The following CGAS variants were observed in gnomAD, a reference collection of about 807,000 sequenced individuals.
The protein encoded by CGAS is cyclic GMP-AMP synthase, also known as 2'3'-cGAMP synthase.
A neutral mutation model predicts 34.0 loss-of-function variants in CGAS; 31 were observed. The observed-to-expected ratio is 0.91, with a 90% CI of 0.69 to 1.23. The LOEUF (loss-of-function observed/expected upper bound fraction) is 1.23. Ranked by LOEUF, CGAS falls within the 50% of genes most tolerant of loss-of-function variation. The probability of loss-of-function intolerance (pLI) is 0.00; values close to 1 mark genes in which losing one functional copy is unlikely to be tolerated. For synonymous variants in CGAS, 266 were observed against 260.0 expected, an observed-to-expected ratio of 1.02 and a Z score of -0.22; for missense variants, 597 against 657.6, an observed-to-expected ratio of 0.91 and a Z score of 1.01.
chr6:73,449,589 C>T (rs780041981), intron 1 of CGAS, among the ~76,000 whole-genome samples: 14 of 152,010 alleles, frequency 9.2e-5, no homozygotes, highest in Admixed American at 3.3e-4. Context: ...CCTTTGGACC[C>T]GCCATATACA....
At chr6:73,428,026 G>C (rs1482396290) in intron 4 of CGAS, among the ~76,000 whole-genome samples, 1 of 152,040 alleles carries the variant, frequency 6.6e-6, no homozygotes, top group African/African-American at 2.4e-5. Context: ...TTGCTAGGCT[G>C]GGATTACAGG....
intron 1 of CGAS, among the ~76,000 whole-genome samples, chr6:73,448,958 G>A (rs372437050): frequency 4.6e-5 from 7 of 151,750 alleles, no homozygotes; most frequent in Admixed American, 6.6e-5. Context: ...GTGAGGTGAC[G>A]CCCGCCTGTA....
chr6:73,433,779 G>C (rs915322620), intron 3 of CGAS, among the ~76,000 whole-genome samples: 1 of 152,034 alleles, frequency 6.6e-6, no homozygotes, highest in Non-Finnish European at 1.5e-5. Context: ...GAGCCACCAC[G>C]CCTGGCTAGA....
At chr6:73,439,999 T>A in intron 3 of CGAS, 1 of 504,680 alleles carries the variant, frequency 2.0e-6, no homozygotes, top group East Asian at 3.3e-5. Flanking sequence ...TATGGATTGC[T>A]AGACATTTTA....
intron 1 of CGAS, among the ~76,000 whole-genome samples, chr6:73,450,061 G>A (rs1043790909): frequency 3.3e-5 from 5 of 151,204 alleles, no homozygotes; most frequent in African/African-American, 9.7e-5. Context: ...GAGAGAGGAA[G>A]AGAGGGAGGG....
At chr6:73,441,087 T>TC (rs1172957145) in intron 2 of CGAS, among the ~76,000 whole-genome samples, 17 of 150,758 alleles carry the variant, frequency 1.1e-4, no homozygotes, top group East Asian at 3.9e-4. Context: ...TTTTTCTTTT[T>TC]TTTTTTTTTT....
Position 73,451,976 on chromosome 6 carries a change from T to A in CGAS, c.206A>T (p.Gln69Leu), listed in dbSNP as rs1390782804. 2.0e-6 allele frequency: 3 copies of A among 1,483,188 alleles called. No homozygotes were observed. Among genetic ancestry groups the A allele is most frequent in the Non-Finnish European group, 2.7e-6 (3 of 1,115,190 alleles). The allele number at this position is 1,483,188 out of a possible 1,614,324, so 91.9% of individuals were successfully genotyped here. A position where few individuals can be genotyped will look rare whatever the true frequency, so the allele number is the denominator to read the frequency against. The change falls in exon 1 of 5, where the codon CAG becomes CTG. Residue 69 changes from glutamine to leucine, a missense_variant. Gln to Leu is a moderately radical substitution (Grantham distance 113). Coordinates refer to ENST00000370315, the MANE Select transcript of CGAS (RefSeq NM_138441.3). ...SRQKKSAPDT[Q>L]ERPPVRATGA... ...AGTTGCGCGGACGGGCGGCCTCTCC[T>A]GGGTGTCCGGGGCGCTCTTTTTCTG...
At chr6:73,434,088 T>C (rs149199602) in intron 3 of CGAS, among the ~76,000 whole-genome samples, 4 of 152,322 alleles carry the variant, frequency 2.6e-5, no homozygotes, top group Non-Finnish European at 4.4e-5. Context: ...TAAAGCTACA[T>C]TATGTACAAC....
At chr6:73,430,835 C>T (rs1165435783) in intron 3 of CGAS, among the ~76,000 whole-genome samples, 1 of 152,024 alleles carries the variant, frequency 6.6e-6, no homozygotes, top group Non-Finnish European at 1.5e-5. Flanking sequence ...GGTGCAGTGG[C>T]TCATGCCTGT....
chr6:73,440,422 T>C lies in CGAS; in HGVS notation c.901A>G (p.Lys301Glu). 6.2e-7 allele frequency: 1 copy of C among 1,613,720 alleles called. No homozygotes were observed. Among genetic ancestry groups the C allele is most frequent in the Non-Finnish European group, 8.5e-7 (1 of 1,179,838 alleles). Residue 301 changes from lysine to glutamate, a missense_variant, in exon 3 of 5, where the codon AAA becomes GAA. Coordinates refer to ENST00000370315, the MANE Select transcript of CGAS (RefSeq NM_138441.3). ...GTTACAGCAGGGCTCCCTCCTCTTT[T>C]CCTCTTCATGATGACATCTGTATCT... ...IKDTDVIMKR[K>E]RGGSPAVTLL...
intron 3 of CGAS, among the ~76,000 whole-genome samples, chr6:73,432,822 G>A (rs780174931): frequency 6.6e-6 from 1 of 152,074 alleles, no homozygotes; most frequent in African/African-American, 2.4e-5. Context: ...GGTGGCTCAC[G>A]CCTGTCATCC....
At chr6:73,438,556 C>T (rs1346108367) in intron 3 of CGAS, among the ~76,000 whole-genome samples, 1 of 151,902 alleles carries the variant, frequency 6.6e-6, no homozygotes, top group South Asian at 2.1e-4. Context: ...ATTAGCCTCG[C>T]GTGGTGGCAT....
At chr6:73,426,206 C>G (rs1007354688) in intron 4 of CGAS, among the ~76,000 whole-genome samples, 3 of 151,396 alleles carry the variant, frequency 2.0e-5, no homozygotes, top group African/African-American at 7.3e-5. Flanking sequence ...TCACTTGAAC[C>G]CAGGAGGCAG....
chr6:73,428,932 A>G, intron 3 of CGAS, 121 bp from the exon 4 acceptor site: 1 of 849,762 alleles, frequency 1.2e-6, no homozygotes, highest in Non-Finnish European at 1.8e-6. Flanking sequence ...CACGCCTGTA[A>G]TCTCAGTACT....
At chr6:73,439,844 G>A (rs1770345526) in intron 3 of CGAS, 1 of 218,220 alleles carries the variant, frequency 4.6e-6, no homozygotes, top group Admixed American at 5.3e-5. Context: ...ACAGTGTACG[G>A]ATGAGCAAAT....
chr6:73,440,117 C>T, intron 3 of CGAS, 92 bp downstream of exon 3: 8 of 1,168,324 alleles, frequency 6.8e-6, no homozygotes, highest in Non-Finnish European at 9.6e-6. Flanking sequence ...GAAATGACAA[C>T]AGCATTGGTT....
intron 2 of CGAS, 131 bp downstream of exon 2, chr6:73,445,397 C>T (rs905843892): frequency 1.4e-5 from 7 of 507,896 alleles, no homozygotes; most frequent in African/African-American, 1.4e-4. Context: ...CACTCCTCTA[C>T]TGATGTTTCT....
chr6:73,449,390 G>A (rs1260564316), intron 1 of CGAS, among the ~76,000 whole-genome samples: 1 of 151,668 alleles, frequency 6.6e-6, no homozygotes, highest in Non-Finnish European at 1.5e-5. Context: ...CAGGAGAATG[G>A]TGTGAACCCA....
At position 73,452,005 on chromosome 6, in the gene CGAS, G is replaced by C. The variant is rs1270171493; in HGVS notation, c.177C>G (p.Ser59=). 4 of 1,478,500 alleles carry C rather than the reference G, an allele frequency of 2.7e-6. No individual in the cohort carries two copies. In the African/African-American group the frequency reaches 5.7e-5, roughly 21 times the overall value. 91.6% of individuals were successfully genotyped at this position (1,478,500 alleles called of 1,614,324 possible). A position where few individuals can be genotyped will look rare whatever the true frequency, so the allele number is the denominator to read the frequency against. Residue 59 remains serine, a synonymous_variant, in exon 1 of 5, where the codon TCC becomes TCG. Coordinates refer to ENST00000370315, the MANE Select transcript of CGAS (RefSeq NM_138441.3). ...TGTCCGGGGCGCTCTTTTTCTGCCG[G>C]GATCCCGACTTCCTGGCGGGGCCGA... ...GKFGPARKSG[S]RQKKSAPDTQ... is the part of the protein sequence containing the mutation.
Sources: allele counts gnomAD v4.1 joint callset (sites outside exome capture counted in the v4.1 genomes callset), GRCh38; gene constraint gnomAD v4.1.1; transcripts MANE v1.5; gene names NCBI Gene and HGNC (gene_info 2026-07-23, HGNC 2026-07-21).